NELL2: variants seen among roughly 807,000 people sequenced by gnomAD.
NELL2 encodes the protein protein kinase C-binding protein NELL2.
Under a neutral mutation model 109.6 loss-of-function variants are expected in NELL2, and 41 were observed. The observed-to-expected ratio is 0.37, with a 90% confidence interval of 0.29 to 0.49. NELL2 has a LOEUF of 0.49. Ranked by LOEUF, NELL2 falls within the 20% of genes least tolerant of loss-of-function variation. NELL2 has a pLI of 0.98. For synonymous variants in NELL2, 355 were observed against 344.7 expected (o/e 1.03, Z -0.33); for missense variants, 900 against 1,008.3 (o/e 0.89, Z 1.45).
chr12:44,849,173 AC>A (rs1332594172), intron 2 of NELL2, among the ~76,000 whole-genome samples: 2 of 152,224 alleles, frequency 1.3e-5, no homozygotes, highest in African/African-American at 4.8e-5. Flanking sequence ...AAACCACAAA[AC>A]AAAAAATAAT....
chr12:44,873,611 T>C (rs891713592), intron 2 of NELL2, among the ~76,000 whole-genome samples: 1 of 152,126 alleles, frequency 6.6e-6, no homozygotes, highest in Admixed American at 6.5e-5. Context: ...TACAATACCA[T>C]TTGTTTATTA....
intron 1 of NELL2, among the ~76,000 whole-genome samples, chr12:44,905,677 C>T (rs958710252): frequency 1.3e-5 from 2 of 152,022 alleles, no homozygotes; most frequent in African/African-American, 4.8e-5. Flanking sequence ...TATTTTATAT[C>T]CTCTCTGGCC....
chr12:44,746,739 C>T (rs1432569466), intron 9 of NELL2, among the ~76,000 whole-genome samples: 1 of 152,092 alleles, frequency 6.6e-6, no homozygotes, highest in South Asian at 2.1e-4. Context: ...CAAATCAAAA[C>T]CACAATGAGA....
At chr12:44,875,183 C>G (rs76467990) in intron 2 of NELL2, 42 bp downstream of exon 2, 2 of 1,585,960 alleles carry the variant, frequency 1.3e-6, no homozygotes, top group South Asian at 1.1e-5. Flanking sequence ...CCGGGGTTAT[C>G]GGAACTGAAA....
chr12:44,855,461 A>G (rs1342072814), intron 2 of NELL2, among the ~76,000 whole-genome samples: 1 of 152,212 alleles, frequency 6.6e-6, no homozygotes, highest in African/African-American at 2.4e-5. Context: ...TCTTAGAGAA[A>G]TTGTCACACT....
At chr12:44,718,965 C>A (rs1428337681) in intron 9 of NELL2, among the ~76,000 whole-genome samples, 1 of 152,160 alleles carries the variant, frequency 6.6e-6, no homozygotes, top group Non-Finnish European at 1.5e-5. Flanking sequence ...GAGACATTAA[C>A]AACAACTTGG....
chr12:44,581,425 AAACACTCTTC>A (rs1944318040), intron 15 of NELL2, among the ~76,000 whole-genome samples: 2 of 152,320 alleles, frequency 1.3e-5, no homozygotes, highest in South Asian at 2.1e-4. Context: ...TCTTATTACA[AAACACTCTTC>A]TAAATATCTG....
At chr12:44,847,970 T>G (rs1390607139) in intron 2 of NELL2, among the ~76,000 whole-genome samples, 1 of 148,602 alleles carries the variant, frequency 6.7e-6, no homozygotes, top group East Asian at 2.0e-4. Flanking sequence ...AGTCGGAGGT[T>G]GTAGTGAGCC....
intron 2 of NELL2, among the ~76,000 whole-genome samples, chr12:44,857,899 G>C (rs894993296): frequency 6.6e-6 from 1 of 152,084 alleles, no homozygotes. Context: ...AACAGAAGAT[G>C]CTTTAGGGGC....
intron 2 of NELL2, among the ~76,000 whole-genome samples, chr12:44,850,273 T>C (rs2136776750): frequency 6.6e-6 from 1 of 152,248 alleles, no homozygotes; most frequent in Admixed American, 6.5e-5. Flanking sequence ...TAATTAATTA[T>C]ACAAGTAATG....
At chr12:44,688,240 G>A (rs953270745) in intron 12 of NELL2, among the ~76,000 whole-genome samples, 2 of 152,142 alleles carry the variant, frequency 1.3e-5, no homozygotes, top group Admixed American at 6.6e-5. Context: ...CTTAGTTACT[G>A]AAGTAGCTAC....
intron 9 of NELL2, among the ~76,000 whole-genome samples, chr12:44,737,446 T>A (rs757200012): frequency 1.3e-5 from 2 of 152,020 alleles, no homozygotes; most frequent in Admixed American, 6.6e-5. Context: ...GTTTGCCTGC[T>A]CCTCCCAAAT....
At chr12:44,509,524 A>C (rs1235026040) in intron 19 of NELL2, among the ~76,000 whole-genome samples, 2 of 152,202 alleles carry the variant, frequency 1.3e-5, no homozygotes, top group Non-Finnish European at 2.9e-5. Context: ...TAGAGCACTC[A>C]TGAATGGGAT....
intron 9 of NELL2, among the ~76,000 whole-genome samples, chr12:44,771,803 C>T (rs184035036): frequency 7.4e-4 from 113 of 152,184 alleles, no homozygotes; most frequent in African/African-American, 2.3e-3. Flanking sequence ...TTGAAGTTAC[C>T]GAGGGAAAGT....
At position 44,557,222 on chromosome 12, in the gene NELL2, T is replaced by C. The variant is rs575511128; in HGVS notation, c.1664-24501A>G. On this transcript the variant is annotated intron_variant, in intron 15 of 19. Transcript: ENST00000429094. ...ATCCTACCATTTTGCCCAGCCCCTT[T>C]TGAGTTACAGATTACTTGCCAAATT... Among the ~76,000 whole-genome samples, 12 of 152,254 alleles carry C rather than the reference T, an allele frequency of 7.9e-5. No individual in the cohort carries two copies. In the South Asian group the frequency reaches 1.9e-3, roughly 24 times the overall value.
chr12:44,807,172 A>G (rs1042082634), intron 3 of NELL2, among the ~76,000 whole-genome samples: 2 of 151,818 alleles, frequency 1.3e-5, no homozygotes, highest in Admixed American at 6.6e-5. Flanking sequence ...AAATGCAAAA[A>G]TCCTCTTAAA....
At chr12:44,863,400 A>C (rs1218309028) in intron 2 of NELL2, among the ~76,000 whole-genome samples, 1 of 152,226 alleles carries the variant, frequency 6.6e-6, no homozygotes, top group Non-Finnish European at 1.5e-5. Flanking sequence ...AAACAATCCT[A>C]AAACTAGTAA....
At chr12:44,707,643 G>A (rs181681738) in intron 11 of NELL2, among the ~76,000 whole-genome samples, 64 of 152,140 alleles carry the variant, frequency 4.2e-4, no homozygotes, top group Admixed American at 2.0e-4. Flanking sequence ...ACTCATGTAC[G>A]TGGATGAACA....
At chr12:44,679,220 G>T (rs1433726486) in intron 12 of NELL2, among the ~76,000 whole-genome samples, 1 of 152,092 alleles carries the variant, frequency 6.6e-6, no homozygotes, top group Non-Finnish European at 1.5e-5. Flanking sequence ...TGGAAGTAAG[G>T]CATGCTGGCT....
Sources: gnomAD v4.1 joint callset for allele counts (sites outside exome capture counted in the v4.1 genomes callset) on GRCh38, gnomAD v4.1.1 for gene constraint, MANE v1.5 for transcripts, NCBI Gene and HGNC (gene_info 2026-07-23, HGNC 2026-07-21) for gene names.